Variants in GABRB2 observed in about 807,000 individuals in gnomAD.
GABRB2 encodes the protein gamma-aminobutyric acid type A receptor subunit beta2, also known as gamma-aminobutyric acid receptor subunit beta-2.
GABRB2 carries 16 observed loss-of-function variants against 54.7 expected under a neutral mutation model. The ratio of observed to expected loss-of-function variants is 0.29; its 90% CI spans 0.20 to 0.44. GABRB2 has a LOEUF of 0.44. GABRB2 is among the 20% of genes least tolerant of loss of function. The pLI, the probability that GABRB2 is intolerant of heterozygous loss-of-function variation, is 1.00. For missense variants in GABRB2, 355 were observed against 644.0 expected (o/e 0.55, Z 4.86); for synonymous variants, 244 against 233.8 (o/e 1.04, Z -0.40).
intron 5 of GABRB2, among the ~76,000 whole-genome samples, chr5:161,369,454 T>C (rs551086921): frequency 6.6e-6 from 1 of 152,258 alleles, no homozygotes; most frequent in South Asian, 2.1e-4. Flanking sequence ...ACGAAATTTA[T>C]ATGAGATGGA....
At chr5:161,368,116 G>GACACAAAC (rs1755023454) in intron 5 of GABRB2, among the ~76,000 whole-genome samples, 2 of 144,916 alleles carry the variant, frequency 1.4e-5, no homozygotes, top group Admixed American at 1.4e-4. Context: ...CTCCCTCTCT[G>GACACAAAC]ACACACACAC....
chr5:161,521,953 A>C (rs1355387371), intron 3 of GABRB2, among the ~76,000 whole-genome samples: 3 of 151,924 alleles, frequency 2.0e-5, no homozygotes, highest in African/African-American at 7.2e-5. Context: ...TTTCCAAATG[A>C]ATCAGAGAAG....
chr5:161,386,908 T>A (rs1034204157), intron 5 of GABRB2, among the ~76,000 whole-genome samples: 1 of 151,604 alleles, frequency 6.6e-6, no homozygotes, highest in African/African-American at 2.4e-5. Flanking sequence ...GCAAGAAGAC[T>A]AGCTGACTTG....
At chr5:161,546,958 G>A (rs1368897070), upstream of GABRB2, 2 of 285,864 alleles carry the variant, frequency 7.0e-6, no homozygotes, top group African/African-American at 4.5e-5. Flanking sequence ...TACAGCGTCT[G>A]GTAAGTTTCG....
At chr5:161,405,775 A>G (rs1345837260) in intron 5 of GABRB2, among the ~76,000 whole-genome samples, 1 of 152,104 alleles carries the variant, frequency 6.6e-6, no homozygotes, top group Non-Finnish European at 1.5e-5. Context: ...TACAAAATAT[A>G]TTAGCTCCTT....
rs1267802111 is a variant in GABRB2 at position 161,291,033 on chromosome 5, T to C, written c.*3048A>G. On this transcript the variant is annotated 3_prime_UTR_variant, in exon 10 of 10. Coordinates refer to ENST00000393959, the MANE Select transcript of GABRB2 (RefSeq NM_001371727.1). The stretch of plus-strand genomic sequence containing the variant: ...TGAATCTTTTCCCCTGTTAATAAAT[T>C]GTAGTAGAAAGAATTTTAACATTCC... 1 of 152,578 alleles carries C rather than the reference T, an allele frequency of 6.6e-6. No individual in the cohort carries two copies. The highest frequency in any genetic ancestry group is 1.5e-5 in the Non-Finnish European group (1 of 68,014). 9.5% of individuals were successfully genotyped at this position (152,578 alleles called of 1,614,324 possible).
chr5:161,335,790 T>G (rs1410186247), intron 6 of GABRB2, among the ~76,000 whole-genome samples: 1 of 152,174 alleles, frequency 6.6e-6, no homozygotes, highest in Non-Finnish European at 1.5e-5. Flanking sequence ...TGTTTGTCGT[T>G]GTTGTTTTAA....
upstream of GABRB2, chr5:161,548,160 C>T (rs995914489): frequency 1.5e-4 from 23 of 152,426 alleles, no homozygotes; most frequent in African/African-American, 5.3e-4. Flanking sequence ...TGCCTCTTCC[C>T]TTCCTCCTGA....
At chr5:161,488,040 C>T (rs1049934805) in intron 3 of GABRB2, among the ~76,000 whole-genome samples, 3 of 151,732 alleles carry the variant, frequency 2.0e-5, no homozygotes, top group East Asian at 3.9e-4. Flanking sequence ...ATATACCTTC[C>T]TTCACAAGAA....
intron 4 of GABRB2, among the ~76,000 whole-genome samples, chr5:161,431,635 A>C (rs981236106): frequency 6.6e-6 from 1 of 152,212 alleles, no homozygotes; most frequent in Non-Finnish European, 1.5e-5. Context: ...AGTGCCCAAG[A>C]ATATAAAGCA....
chr5:161,426,402 T>C (rs1373416457), intron 4 of GABRB2, among the ~76,000 whole-genome samples: 1 of 152,050 alleles, frequency 6.6e-6, no homozygotes, highest in Non-Finnish European at 1.5e-5. Context: ...GGGTGGTACA[T>C]GCAAATCAGG....
At chr5:161,530,706 C>G (rs1013666508) in intron 3 of GABRB2, among the ~76,000 whole-genome samples, 7 of 152,100 alleles carry the variant, frequency 4.6e-5, no homozygotes, top group Non-Finnish European at 1.0e-4. Context: ...CAGCTCTTTC[C>G]TCTGAAAATG....
intron 5 of GABRB2, 95 bp from the exon 6 acceptor site, chr5:161,336,864 A>C (rs1277256168): frequency 7.7e-7 from 1 of 1,291,504 alleles, no homozygotes; most frequent in African/African-American, 1.5e-5. Context: ...TTAGAAGATG[A>C]CCTATATAAA....
upstream of GABRB2, chr5:161,546,843 T>C: frequency 8.6e-7 from 1 of 1,162,322 alleles, no homozygotes; most frequent in Non-Finnish European, 1.2e-6. Flanking sequence ...AGGAAAAACA[T>C]GTATATGTAT....
intron 3 of GABRB2, among the ~76,000 whole-genome samples, chr5:161,479,585 ATTTTT>A (rs10691457): frequency 7.3e-6 from 1 of 137,662 alleles, no homozygotes; most frequent in Non-Finnish European, 1.5e-5. Flanking sequence ...CATTGAAACA[ATTTTT>A]TTTTTTTTTT....
At chr5:161,351,475 T>C (rs746221605) in intron 5 of GABRB2, among the ~76,000 whole-genome samples, 12 of 152,204 alleles carry the variant, frequency 7.9e-5, no homozygotes, top group Admixed American at 2.0e-4. Flanking sequence ...TAAATAGCAT[T>C]GGAACAACCA....
At position 161,331,037 on chromosome 5, in the gene GABRB2, T is replaced by A; in HGVS notation, c.923A>T (p.Tyr308Phe). The A allele has an allele frequency of 6.2e-7, 1 of 1,614,088 alleles. No individual in the cohort carries two copies. Among genetic ancestry groups the A allele is most frequent in the Non-Finnish European group, 8.5e-7 (1 of 1,179,982 alleles). Residue 308 changes from tyrosine (Y) to phenylalanine (F), a missense_variant, in exon 8 of 10, where the codon TAC becomes TTC. Around this residue, in one of 6 missense-constraint regions of GABRB2, gnomAD observed 25 missense variants for 137.4 expected, o/e 0.18. Coordinates refer to ENST00000393959, the MANE Select transcript of GABRB2 (RefSeq NM_001371727.1). ...AACGAAGACAAAGCACCCCATCAGG[T>A]ACATGTCAATGGCCTTCACATAGGG... is the stretch of plus-strand genomic sequence containing the variant. ...KIPYVKAIDM[Y>F]LMGCFVFVFM...
At chr5:161,505,808 G>A (rs1243797838) in intron 3 of GABRB2, among the ~76,000 whole-genome samples, 2 of 152,002 alleles carry the variant, frequency 1.3e-5, no homozygotes, top group Admixed American at 1.3e-4. Flanking sequence ...CTCCAGTAAA[G>A]AACATCTATA....
intron 5 of GABRB2, among the ~76,000 whole-genome samples, chr5:161,370,839 T>C (rs1323746163): frequency 1.3e-5 from 2 of 152,160 alleles, no homozygotes; most frequent in African/African-American, 2.4e-5. Flanking sequence ...TCCTCTTAAT[T>C]ATAGGTTGGT....
Sources: gnomAD v4.1 joint callset for allele counts (sites outside exome capture counted in the v4.1 genomes callset) on GRCh38, gnomAD v4.1.1 for gene constraint, gnomAD v4.1.1 regional missense constraint, MANE v1.5 for transcripts, NCBI Gene and HGNC (gene_info 2026-07-23, HGNC 2026-07-21) for gene names.